Variants in KSR2 observed in about 807,000 individuals in gnomAD.
The protein encoded by KSR2 is kinase suppressor of ras 2.
Under a neutral mutation model 107.8 loss-of-function variants are expected in KSR2, and 25 were observed. That is an observed-to-expected ratio of 0.23 (90% CI 0.17 to 0.32). The LOEUF (loss-of-function observed/expected upper bound fraction) is 0.32, where lower values mean the gene tolerates loss of function less well. Among genes scored for constraint, KSR2 ranks in the 10% least tolerant of loss-of-function variants. The pLI is 1.00. For missense variants in KSR2, 887 were observed against 1,268.9 expected (o/e 0.70, Z 4.57); for synonymous variants, 480 against 507.0 (o/e 0.95, Z 0.71).
chr12:117,780,092 A>G (rs563766780), intron 3 of KSR2, among the ~76,000 whole-genome samples: 31 of 152,344 alleles, frequency 2.0e-4, no homozygotes, highest in African/African-American at 7.5e-4. Flanking sequence ...TACATGGATT[A>G]CAAGTTGAAA....
chr12:117,749,826 C>T (rs188405140), intron 4 of KSR2, among the ~76,000 whole-genome samples: 1 of 152,238 alleles, frequency 6.6e-6, no homozygotes, highest in African/African-American at 2.4e-5. Context: ...GTGGCATGGT[C>T]TTAATGGAGG....
chr12:117,575,086 C>T (rs911868793), intron 7 of KSR2, among the ~76,000 whole-genome samples: 75 of 152,196 alleles, frequency 4.9e-4, no homozygotes, highest in African/African-American at 1.7e-3. Context: ...TCTGCTTTGT[C>T]CACCTTCTTA....
chr12:117,553,232 T>C (rs1195278036), intron 9 of KSR2, among the ~76,000 whole-genome samples: 10 of 152,106 alleles, frequency 6.6e-5, no homozygotes, highest in African/African-American at 2.4e-5. Context: ...AGATGGTAAA[T>C]GGCTTCGAGA....
At chr12:117,626,949 CCA>C (rs1276010636) in intron 5 of KSR2, among the ~76,000 whole-genome samples, 2 of 151,962 alleles carry the variant, frequency 1.3e-5, no homozygotes. Flanking sequence ...GATCCCTTTA[CCA>C]TTATGTAATG....
intron 4 of KSR2, among the ~76,000 whole-genome samples, chr12:117,699,134 T>G (rs957449333): frequency 6.6e-6 from 1 of 152,186 alleles, no homozygotes; most frequent in African/African-American, 2.4e-5. Context: ...CTATCTCCCC[T>G]CATCAAGCTA....
At chr12:117,662,003 T>G (rs930980556) in intron 5 of KSR2, among the ~76,000 whole-genome samples, 2 of 152,134 alleles carry the variant, frequency 1.3e-5, no homozygotes, top group Non-Finnish European at 2.9e-5. Flanking sequence ...ATGTAGCAGG[T>G]GGTCAGTACC....
chr12:117,921,329 G>A (rs1009812398), intron 1 of KSR2, among the ~76,000 whole-genome samples: 3 of 152,128 alleles, frequency 2.0e-5, no homozygotes, highest in South Asian at 2.1e-4. Flanking sequence ...ATATACTTAC[G>A]TGATAAATGT....
chr12:117,824,782 G>A (rs1446225480), intron 3 of KSR2, among the ~76,000 whole-genome samples: 1 of 150,830 alleles, frequency 6.6e-6, no homozygotes, highest in African/African-American at 2.4e-5. Context: ...GCATGAACCC[G>A]GGAGGCGGCG....
chr12:117,684,820 A>C (rs1243325645), intron 4 of KSR2, among the ~76,000 whole-genome samples: 1 of 152,236 alleles, frequency 6.6e-6, no homozygotes, highest in Admixed American at 6.5e-5. Context: ...TGCAGATCAC[A>C]ATTCAACACA....
intron 4 of KSR2, among the ~76,000 whole-genome samples, chr12:117,724,633 C>T (rs117416733): frequency 0.016 from 2,419 of 151,858 alleles, 29 homozygotes; most frequent in South Asian, 0.05. Context: ...CCATGATCCA[C>T]ATCAAACAGG....
In KSR2 at chr12:117,942,123, C is replaced by T. The variant is rs115420231; in HGVS notation, c.180+25953G>A. Among the ~76,000 whole-genome samples, 931 of 152,118 alleles carry T rather than the reference C, an allele frequency of 6.1e-3. 14 individuals are homozygous for T. Among genetic ancestry groups the T allele is most frequent in the African/African-American group, 0.022 (898 of 41,486 alleles). On this transcript the variant is annotated intron_variant, in intron 1 of 19. Transcript: ENST00000339824. ...AATAGTTGTACACATATATGGGGTTCGTGTGCTATTTTAATACAAGCATAC... is the reference window on the plus strand; with the variant it reads ...AATAGTTGTACACATATATGGGGTTTGTGTGCTATTTTAATACAAGCATAC...
At chr12:117,849,491 C>T (rs574119962) in intron 3 of KSR2, among the ~76,000 whole-genome samples, 1 of 152,280 alleles carries the variant, frequency 6.6e-6, no homozygotes, top group Admixed American at 6.5e-5. Flanking sequence ...CTCTGGGATC[C>T]TTTGATCTTG....
intron 4 of KSR2, among the ~76,000 whole-genome samples, chr12:117,682,625 G>T (rs1885415405): frequency 6.6e-6 from 1 of 151,958 alleles, no homozygotes; most frequent in Non-Finnish European, 1.5e-5. Context: ...CTCCATGTTG[G>T]TCAGGCTGGT....
chr12:117,899,869 C>T (rs542241333), intron 1 of KSR2, among the ~76,000 whole-genome samples: 49 of 152,318 alleles, frequency 3.2e-4, no homozygotes, highest in Non-Finnish European at 6.8e-4. Context: ...CACACAGCAA[C>T]GAGCAACTTG....
At chr12:117,747,274 C>A (rs548909366) in intron 4 of KSR2, among the ~76,000 whole-genome samples, 27 of 152,274 alleles carry the variant, frequency 1.8e-4, no homozygotes, top group African/African-American at 6.5e-4. Context: ...GAGATCATGT[C>A]CTTTGCAGGG....
intron 4 of KSR2, among the ~76,000 whole-genome samples, chr12:117,711,115 C>A (rs906051711): frequency 6.6e-6 from 1 of 152,206 alleles, no homozygotes; most frequent in African/African-American, 2.4e-5. Flanking sequence ...TAACTTATAT[C>A]TCTTTGTGTA....
chr12:117,660,428 T>G (rs1293872215), intron 5 of KSR2, among the ~76,000 whole-genome samples: 1 of 152,166 alleles, frequency 6.6e-6, no homozygotes, highest in Non-Finnish European at 1.5e-5. Context: ...TGGTGTTCCT[T>G]GGCTTGTAGA....
intron 1 of KSR2, among the ~76,000 whole-genome samples, chr12:117,882,338 C>G (rs1042585068): frequency 6.6e-6 from 1 of 152,018 alleles, no homozygotes; most frequent in African/African-American, 2.4e-5. Context: ...TCCAAATTGC[C>G]GTTCAACTAC....
chr12:117,636,613 G>GA (rs892900295), intron 5 of KSR2, among the ~76,000 whole-genome samples: 2 of 151,796 alleles, frequency 1.3e-5, no homozygotes, highest in African/African-American at 4.8e-5. Flanking sequence ...TATTCATCTG[G>GA]AAAAAAAATA....
Sources: allele counts gnomAD v4.1 joint callset (sites outside exome capture counted in the v4.1 genomes callset), GRCh38; gene constraint gnomAD v4.1.1; transcripts MANE v1.5; gene names NCBI Gene and HGNC (gene_info 2026-07-23, HGNC 2026-07-21).